Variants in PVT1 observed in about 807,000 individuals in gnomAD.
PVT1 encodes Pvt1 oncogene.
At chr8:127,803,533 A>T (rs1586386350) in intron 2 of PVT1, 1 of 152,236 alleles carries the variant, frequency 6.6e-6, no homozygotes. Context: ...TGACAAACTC[A>T]TGTGGAATGT....
chr8:127,832,979 A>C (rs1210390947), intron 2 of PVT1, among the ~76,000 whole-genome samples: 1 of 152,210 alleles, frequency 6.6e-6, no homozygotes. Context: ...GAACAGTAGT[A>C]TCTCTTACCA....
chr8:127,892,152 A>G (rs1226363613), intron 3 of PVT1, among the ~76,000 whole-genome samples: 2 of 152,226 alleles, frequency 1.3e-5, no homozygotes, highest in African/African-American at 4.8e-5. Flanking sequence ...CATGCCTGAC[A>G]GCACTTTCTC....
intron 3 of PVT1, among the ~76,000 whole-genome samples, chr8:127,986,724 C>T (rs1425904211): frequency 6.6e-6 from 1 of 152,228 alleles, no homozygotes; most frequent in East Asian, 1.9e-4. Context: ...TTCTGCTTTG[C>T]ACCGGGCTCT....
chr8:128,060,412 T>C (rs1373022687), intron 4 of PVT1, among the ~76,000 whole-genome samples: 1 of 152,208 alleles, frequency 6.6e-6, no homozygotes. Flanking sequence ...TGCAGCCACT[T>C]CATAGCAATG....
chr8:128,078,790 C>T (rs766300026), intron 5 of PVT1, among the ~76,000 whole-genome samples: 3 of 151,980 alleles, frequency 2.0e-5, no homozygotes, highest in Non-Finnish European at 2.9e-5. Flanking sequence ...CATTTATGTC[C>T]GTTTATACCA....
At chr8:127,998,621 C>CTTT (rs1817135772) in intron 4 of PVT1, among the ~76,000 whole-genome samples, 1 of 145,182 alleles carries the variant, frequency 6.9e-6, no homozygotes, top group African/African-American at 2.6e-5. Flanking sequence ...CTTCCTTCCT[C>CTTT]CCTCCCTCAC....
chr8:128,003,738 A>G (rs988622825), intron 4 of PVT1, among the ~76,000 whole-genome samples: 1 of 152,242 alleles, frequency 6.6e-6, no homozygotes, highest in Non-Finnish European at 1.5e-5. Context: ...GTTCTTATAT[A>G]GATTTGGGGG....
At chr8:127,830,617 A>G (rs1204331291) in intron 2 of PVT1, among the ~76,000 whole-genome samples, 1 of 152,152 alleles carries the variant, frequency 6.6e-6, no homozygotes, top group Non-Finnish European at 1.5e-5. Context: ...TGGGTGGTTC[A>G]TGCCTACTAT....
intron 4 of PVT1, among the ~76,000 whole-genome samples, chr8:128,033,410 A>G (rs1003217501): frequency 6.6e-6 from 1 of 152,200 alleles, no homozygotes; most frequent in Non-Finnish European, 1.5e-5. Flanking sequence ...TCTCCCTCAC[A>G]GTGTTGCTTG....
At chr8:128,054,190 T>C (rs1813736984) in intron 4 of PVT1, among the ~76,000 whole-genome samples, 1 of 152,196 alleles carries the variant, frequency 6.6e-6, no homozygotes, top group Non-Finnish European at 1.5e-5. Context: ...GAGAAGAGCC[T>C]GAGTTTTGGG....
intron 4 of PVT1, among the ~76,000 whole-genome samples, chr8:128,062,612 T>C (rs372529020): frequency 4.6e-4 from 70 of 152,306 alleles, no homozygotes; most frequent in African/African-American, 1.6e-3. Flanking sequence ...ATCATGTCAT[T>C]TGTAGGCTAG....
intron 3 of PVT1, among the ~76,000 whole-genome samples, chr8:127,912,118 T>G (rs1041353778): frequency 5.3e-5 from 8 of 152,200 alleles, no homozygotes; most frequent in African/African-American, 1.9e-4. Flanking sequence ...ATCCCACATG[T>G]GATAAAGTTC....
intron 3 of PVT1, among the ~76,000 whole-genome samples, chr8:127,963,572 C>A (rs756659286): frequency 1.3e-5 from 2 of 151,946 alleles, no homozygotes; most frequent in South Asian, 2.1e-4. Context: ...GCACCCCCCA[C>A]CCCCCTCCAC....
At chr8:128,015,314 T>C (rs1212570278) in intron 4 of PVT1, among the ~76,000 whole-genome samples, 2 of 152,078 alleles carry the variant, frequency 1.3e-5, no homozygotes, top group African/African-American at 4.8e-5. Flanking sequence ...GGTCTTAAAC[T>C]CCTGGCCTCA....
At chr8:127,970,086 C>T (rs779762538) in intron 3 of PVT1, among the ~76,000 whole-genome samples, 2 of 152,234 alleles carry the variant, frequency 1.3e-5, no homozygotes, top group South Asian at 2.1e-4. Flanking sequence ...GCCCAACCCC[C>T]CTTTGGCTCT....
intron 2 of PVT1, among the ~76,000 whole-genome samples, chr8:127,883,062 TCACACACACA>T (rs10637867): frequency 1.4e-5 from 2 of 147,976 alleles, no homozygotes; most frequent in Admixed American, 6.7e-5. Flanking sequence ...TGCACACACA[TCACACACACA>T]CACACACACA....
intron 3 of PVT1, chr8:127,948,085 C>T (rs753138327): frequency 5.3e-6 from 2 of 376,774 alleles, no homozygotes; most frequent in Non-Finnish European, 5.2e-6. Context: ...TTTCTTCTGC[C>T]AGCCCCGGTC....
intron 5 of PVT1, among the ~76,000 whole-genome samples, chr8:128,089,343 G>C (rs1350177805): frequency 6.6e-5 from 10 of 152,130 alleles, no homozygotes; most frequent in African/African-American, 2.4e-4. Context: ...TGAAGGAAGG[G>C]GCAGGAGAGC....
At chr8:127,888,344 C>T (rs6981091) in intron 2 of PVT1, among the ~76,000 whole-genome samples, 152,329 of 152,340 alleles carry the variant, frequency 1, 76,159 homozygotes, top group Non-Finnish European at 1. Flanking sequence ...CAGGGTGAGG[C>T]AGCTAGCTTG....
Sources: gnomAD v4.1 joint callset for allele counts (sites outside exome capture counted in the v4.1 genomes callset) on GRCh38, gnomAD v4.1.1 for gene constraint, MANE v1.5 for transcripts, NCBI Gene and HGNC (gene_info 2026-07-23, HGNC 2026-07-21) for gene names.